The following SCPPPQ1 variants were observed in gnomAD, a reference collection of about 807,000 sequenced individuals.
The protein encoded by SCPPPQ1 is secretory calcium-binding phosphoprotein proline-glutamine rich 1.
the SCPPPQ1 span, among the ~76,000 whole-genome samples, chr4:87,467,448 AATCT>A: frequency 2.0e-5 from 3 of 152,220 alleles, no homozygotes; most frequent in Non-Finnish European, 4.4e-5. Context: ...GGGGAAAAAA[AATCT>A]TCTTAGAGAA....
the SCPPPQ1 span, among the ~76,000 whole-genome samples, chr4:87,469,857 A>G: frequency 6.6e-6 from 1 of 151,464 alleles, no homozygotes; most frequent in Non-Finnish European, 1.5e-5. Flanking sequence ...ATAGCCCATT[A>G]CTTTCTACTT....
At chr4:87,469,041 A>C in the SCPPPQ1 span, among the ~76,000 whole-genome samples, 2 of 152,240 alleles carry the variant, frequency 1.3e-5, no homozygotes, top group Non-Finnish European at 2.9e-5. Flanking sequence ...ATAATTTAGT[A>C]ATCAATGTAA....
the SCPPPQ1 span, among the ~76,000 whole-genome samples, chr4:87,469,002 T>C: frequency 6.6e-6 from 1 of 152,248 alleles, no homozygotes; most frequent in Non-Finnish European, 1.5e-5. Flanking sequence ...CACTCAAATA[T>C]AATTCAGGCA....
At chr4:87,464,509 T>G in the SCPPPQ1 span, among the ~76,000 whole-genome samples, 1 of 152,152 alleles carries the variant, frequency 6.6e-6, no homozygotes, top group East Asian at 1.9e-4. Context: ...ATCACCTCTT[T>G]CTGAAAGAAA....
At chr4:87,469,532 C>G in the SCPPPQ1 span, among the ~76,000 whole-genome samples, 1 of 152,016 alleles carries the variant, frequency 6.6e-6, no homozygotes, top group Non-Finnish European at 1.5e-5. Context: ...GCTTTCTAGC[C>G]GAGAAATGCG....
chr4:87,465,722 A>C, the SCPPPQ1 span, among the ~76,000 whole-genome samples: 3 of 152,124 alleles, frequency 2.0e-5, no homozygotes, highest in Admixed American at 6.5e-5. Flanking sequence ...TCTAGGGTTT[A>C]GGGATAGCAG....
the SCPPPQ1 span, among the ~76,000 whole-genome samples, chr4:87,466,414 T>C: frequency 3.3e-5 from 5 of 151,732 alleles, no homozygotes; most frequent in Non-Finnish European, 7.4e-5. Context: ...TAGCAAACAA[T>C]AGGGAAACAA....
the SCPPPQ1 span, among the ~76,000 whole-genome samples, chr4:87,463,930 T>A: frequency 6.6e-6 from 1 of 152,218 alleles, no homozygotes. Context: ...CTCAAGAAAT[T>A]GACCAACTCC....
the SCPPPQ1 span, among the ~76,000 whole-genome samples, chr4:87,465,509 A>G: frequency 6.8e-6 from 1 of 147,128 alleles, no homozygotes; most frequent in African/African-American, 2.6e-5. Context: ...AGCTTTAAGT[A>G]TAACCACCTG....
the SCPPPQ1 span, among the ~76,000 whole-genome samples, chr4:87,467,458 G>C: frequency 2.0e-5 from 3 of 152,150 alleles, no homozygotes; most frequent in Non-Finnish European, 4.4e-5. Context: ...AATCTTCTTA[G>C]AGAAAGAAAG....
the SCPPPQ1 span, among the ~76,000 whole-genome samples, chr4:87,463,940 C>T: frequency 6.6e-6 from 1 of 152,170 alleles, no homozygotes. Flanking sequence ...TGACCAACTC[C>T]GTCTAAAAGG....
the SCPPPQ1 span, among the ~76,000 whole-genome samples, chr4:87,464,820 C>T: frequency 6.6e-6 from 1 of 152,000 alleles, no homozygotes; most frequent in African/African-American, 2.4e-5. Context: ...GGTGACAGAG[C>T]GAGACTCAGT....
At chr4:87,462,995 CAAAA>C in the SCPPPQ1 span, among the ~76,000 whole-genome samples, 5 of 91,692 alleles carry the variant, frequency 5.5e-5, no homozygotes, top group African/African-American at 1.3e-4. Flanking sequence ...CAAGACTCCT[CAAAA>C]AAAAAAAAAA....
At chr4:87,464,146 T>C in the SCPPPQ1 span, among the ~76,000 whole-genome samples, 8 of 152,194 alleles carry the variant, frequency 5.3e-5, no homozygotes, top group East Asian at 1.5e-3. Flanking sequence ...TTATATGGAC[T>C]TTATAGAATA....
chr4:87,465,559 C>CAAA, the SCPPPQ1 span, among the ~76,000 whole-genome samples: 47 of 98,288 alleles, frequency 4.8e-4, 1 homozygote, highest in African/African-American at 1.9e-3. Flanking sequence ...TAGAAATCTA[C>CAAA]AAAAAAAAAA....
the SCPPPQ1 span, among the ~76,000 whole-genome samples, chr4:87,467,144 C>T: frequency 2.0e-5 from 3 of 152,132 alleles, no homozygotes; most frequent in South Asian, 6.2e-4. Context: ...GTATTTGTGT[C>T]TCGAAATACT....
At chr4:87,463,015 C>G in the SCPPPQ1 span, among the ~76,000 whole-genome samples, 9 of 146,940 alleles carry the variant, frequency 6.1e-5, no homozygotes, top group African/African-American at 2.2e-4. Flanking sequence ...AAAAAAAAAG[C>G]CTGAAGCAAA....
the SCPPPQ1 span, among the ~76,000 whole-genome samples, chr4:87,464,886 T>C: frequency 6.6e-6 from 1 of 152,284 alleles, no homozygotes; most frequent in South Asian, 2.1e-4. Flanking sequence ...GGAGTTAATA[T>C]GCTGAAATAT....
chr4:87,470,971 G>C, the SCPPPQ1 span, among the ~76,000 whole-genome samples: 1 of 151,716 alleles, frequency 6.6e-6, no homozygotes, highest in Non-Finnish European at 1.5e-5. Flanking sequence ...CTTTTATCTA[G>C]TGCATTAGAA....
Sources: gnomAD v4.1 joint callset for allele counts (sites outside exome capture counted in the v4.1 genomes callset) on GRCh38, gnomAD v4.1.1 for gene constraint, MANE v1.5 for transcripts, NCBI Gene and HGNC (gene_info 2026-07-23, HGNC 2026-07-21) for gene names.